UBASH3B: variants seen among roughly 807,000 people sequenced by gnomAD.
UBASH3B encodes the protein ubiquitin associated and SH3 domain containing B.
A neutral mutation model predicts 83.4 loss-of-function variants in UBASH3B; 37 were observed. That is an observed-to-expected ratio of 0.44 (90% CI 0.34 to 0.58). The LOEUF (loss-of-function observed/expected upper bound fraction) is 0.58. Among genes scored for constraint, UBASH3B ranks in the 20% least tolerant of loss-of-function variants. The probability of loss-of-function intolerance (pLI) is 0.01; values close to 1 mark genes in which losing one functional copy is unlikely to be tolerated. For missense variants in UBASH3B, 657 were observed against 827.2 expected (o/e 0.79, Z 2.52); for synonymous variants, 304 against 318.3 (o/e 0.96, Z 0.48).
intron 6 of UBASH3B, among the ~76,000 whole-genome samples, chr11:122,794,475 G>A (rs12795763): frequency 6.6e-6 from 1 of 152,148 alleles, no homozygotes; most frequent in South Asian, 2.1e-4. Flanking sequence ...CCAAAGTGCA[G>A]GTGTGATCAC....
chr11:122,673,835 C>T (rs1863632168), intron 1 of UBASH3B, among the ~76,000 whole-genome samples: 1 of 152,192 alleles, frequency 6.6e-6, no homozygotes, highest in Admixed American at 6.5e-5. Context: ...AAAAGAAGAT[C>T]ATGATGAAGA....
At chr11:122,704,974 G>A (rs1370960890) in intron 1 of UBASH3B, among the ~76,000 whole-genome samples, 1 of 152,172 alleles carries the variant, frequency 6.6e-6, no homozygotes, top group Non-Finnish European at 1.5e-5. Flanking sequence ...GTTAAAGAAG[G>A]ATTTGTTTTC....
At chr11:122,798,450 C>G (rs891121763) in intron 9 of UBASH3B, among the ~76,000 whole-genome samples, 1 of 152,022 alleles carries the variant, frequency 6.6e-6, no homozygotes, top group East Asian at 1.9e-4. Flanking sequence ...TGGTGGCTCA[C>G]GCCTGTAATC....
At chr11:122,660,640 A>G (rs1023131545) in intron 1 of UBASH3B, among the ~76,000 whole-genome samples, 1 of 152,178 alleles carries the variant, frequency 6.6e-6, no homozygotes, top group Non-Finnish European at 1.5e-5. Context: ...GTTTCTGGGG[A>G]GACAGGCTCT....
intron 1 of UBASH3B, among the ~76,000 whole-genome samples, chr11:122,755,493 G>A (rs914166379): frequency 5.3e-5 from 8 of 152,100 alleles, no homozygotes; most frequent in Admixed American, 2.0e-4. Flanking sequence ...GTCTGACACC[G>A]AGGAGCTTTG....
At chr11:122,772,023 T>C (rs189339880) in intron 1 of UBASH3B, among the ~76,000 whole-genome samples, 4,123 of 152,300 alleles carry the variant, frequency 0.027, 201 homozygotes, top group African/African-American at 0.093. Context: ...AGTCTGATAT[T>C]GTGAACTCTA....
In UBASH3B at chr11:122,727,225, C is replaced by T. The variant is rs114849276; in HGVS notation, c.162-48994C>T. On this transcript the variant is annotated intron_variant, in intron 1 of 13. Coordinates refer to ENST00000284273, the MANE Select transcript of UBASH3B (RefSeq NM_032873.5). Reference sequence around the variant, plus strand: ...CCCAGTTTCTGTTGCAGAGTTCTTTCGTTTTTCTTTTTTCTTCCACCACAA... The same window carrying T: ...CCCAGTTTCTGTTGCAGAGTTCTTTTGTTTTTCTTTTTTCTTCCACCACAA... Among the ~76,000 whole-genome samples the T allele has an allele frequency of 6.4e-3, 976 of 152,290 alleles. 11 individuals are homozygous for T. Among genetic ancestry groups the T allele is most frequent in the East Asian group, 0.035 (183 of 5,174 alleles).
chr11:122,683,744 TG>T (rs1296910500), intron 1 of UBASH3B, among the ~76,000 whole-genome samples: 96 of 20,054 alleles, frequency 4.8e-3, no homozygotes, highest in Non-Finnish European at 6.1e-3. Flanking sequence ...AAAAAAAAAT[TG>T]TGTGTGTGTG....
intron 1 of UBASH3B, among the ~76,000 whole-genome samples, chr11:122,697,350 G>A (rs537712327): frequency 4.2e-4 from 64 of 152,232 alleles, no homozygotes; most frequent in South Asian, 1.0e-3. Context: ...CATGATAATC[G>A]CTTGAACTGG....
At chr11:122,704,964 G>C (rs1165265881) in intron 1 of UBASH3B, among the ~76,000 whole-genome samples, 1 of 152,178 alleles carries the variant, frequency 6.6e-6, no homozygotes, top group Non-Finnish European at 1.5e-5. Context: ...AAGACCTATG[G>C]TTAAAGAAGG....
intron 13 of UBASH3B, among the ~76,000 whole-genome samples, 160 bp downstream of exon 13, chr11:122,808,336 G>T (rs1861378565): frequency 6.6e-6 from 1 of 152,226 alleles, no homozygotes; most frequent in African/African-American, 2.4e-5. Flanking sequence ...GATACTCTGT[G>T]CAGGGCACTT....
chr11:122,674,724 GTTTTTTTTTTTTTT>G (rs35117227), intron 1 of UBASH3B, among the ~76,000 whole-genome samples: 1 of 112,298 alleles, frequency 8.9e-6, no homozygotes, highest in Non-Finnish European at 1.8e-5. Context: ...TCTGCAGTTA[GTTTTTTTTTTTTTT>G]TTTTTTTTGA....
At chr11:122,676,211 T>C (rs1863665657) in intron 1 of UBASH3B, among the ~76,000 whole-genome samples, 1 of 152,016 alleles carries the variant, frequency 6.6e-6, no homozygotes, top group Admixed American at 6.6e-5. Flanking sequence ...GAGACCAGCC[T>C]GGGCAACAAG....
chr11:122,799,061 AG>A (rs780056150), intron 10 of UBASH3B, 27 bp downstream of exon 10: 1 of 1,585,034 alleles, frequency 6.3e-7, no homozygotes, highest in South Asian at 1.1e-5. Context: ...GACAAAAACA[AG>A]TAGTCCATCC....
At chr11:122,781,587 T>C (rs1860856050) in intron 4 of UBASH3B, among the ~76,000 whole-genome samples, 1 of 152,168 alleles carries the variant, frequency 6.6e-6, no homozygotes, top group African/African-American at 2.4e-5. Context: ...TCTCTGCTGT[T>C]GTGTGGCCCC....
intron 1 of UBASH3B, among the ~76,000 whole-genome samples, chr11:122,681,942 TGAGTGTGGCA>T (rs901143998): frequency 3.9e-5 from 6 of 152,160 alleles, no homozygotes; most frequent in Non-Finnish European, 8.8e-5. Context: ...CCTTGTGTGC[TGAGTGTGGCA>T]GCAGCAAGGC....
chr11:122,796,353 C>G, intron 8 of UBASH3B, 77 bp downstream of exon 8: 1 of 1,568,582 alleles, frequency 6.4e-7, no homozygotes, highest in Non-Finnish European at 8.7e-7. Context: ...CTACAGTTAT[C>G]TAGATGGAGT....
intron 1 of UBASH3B, among the ~76,000 whole-genome samples, chr11:122,673,764 G>A (rs886290409): frequency 2.6e-5 from 4 of 152,200 alleles, no homozygotes; most frequent in Non-Finnish European, 5.9e-5. Context: ...CTATCTCCTT[G>A]TTTGGTCCTC....
chr11:122,727,876 T>C (rs977779736), intron 1 of UBASH3B, among the ~76,000 whole-genome samples: 30 of 152,044 alleles, frequency 2.0e-4, no homozygotes, highest in African/African-American at 7.2e-4. Flanking sequence ...CATTTCACCC[T>C]CCCCGCACAG....
Sources: allele counts gnomAD v4.1 joint callset (sites outside exome capture counted in the v4.1 genomes callset), GRCh38; gene constraint gnomAD v4.1.1; transcripts MANE v1.5; gene names NCBI Gene and HGNC (gene_info 2026-07-23, HGNC 2026-07-21).